IPPK: variants seen among roughly 807,000 people sequenced by gnomAD.
IPPK encodes the protein inositol-pentakisphosphate 2-kinase.
A neutral mutation model predicts 64.6 loss-of-function variants in IPPK; 22 were observed. The ratio of observed to expected loss-of-function variants is 0.34; its 90% CI spans 0.24 to 0.49. The LOEUF (loss-of-function observed/expected upper bound fraction) is 0.49, where lower values mean the gene tolerates loss of function less well. Among genes scored for constraint, IPPK ranks in the 20% least tolerant of loss-of-function variants. The probability of loss-of-function intolerance (pLI) is 0.99; values close to 1 mark genes in which losing one functional copy is unlikely to be tolerated. For missense variants in IPPK, 532 were observed against 630.7 expected (o/e 0.84, Z 1.68); for synonymous variants, 262 against 247.2 (o/e 1.06, Z -0.56).
intron 6 of IPPK, among the ~76,000 whole-genome samples, chr9:92,645,764 A>T (rs559527341): frequency 9.9e-5 from 15 of 152,158 alleles, no homozygotes; most frequent in Non-Finnish European, 1.9e-4. Flanking sequence ...ATCTACCAAG[A>T]CTATCCTTTG....
intron 11 of IPPK, among the ~76,000 whole-genome samples, chr9:92,630,064 G>A (rs897152211): frequency 1.3e-4 from 20 of 152,084 alleles, no homozygotes; most frequent in African/African-American, 3.1e-4. Context: ...AAGTGAAAAC[G>A]CACATCCATG....
intron 12 of IPPK, 83 bp downstream of exon 12, chr9:92,619,403 A>G: frequency 1.7e-6 from 2 of 1,149,474 alleles, no homozygotes; most frequent in Admixed American, 2.0e-5. Flanking sequence ...ATATGGGGAA[A>G]CCAACTATCC....
At chr9:92,669,301 G>C (rs1401074730) in intron 1 of IPPK, among the ~76,000 whole-genome samples, 1 of 152,160 alleles carries the variant, frequency 6.6e-6, no homozygotes, top group Non-Finnish European at 1.5e-5. Flanking sequence ...AGATCTTACT[G>C]CAGTTTCTAA....
chr9:92,656,351 G>A, intron 3 of IPPK, 105 bp downstream of exon 3: 1 of 746,576 alleles, frequency 1.3e-6, no homozygotes, highest in Non-Finnish European at 2.4e-6. Context: ...GAGACTAGCT[G>A]GACGCGGGTT....
At chr9:92,618,401 A>C (rs193278744) in intron 12 of IPPK, 1 of 456,514 alleles carries the variant, frequency 2.2e-6, no homozygotes, top group Non-Finnish European at 4.4e-6. Flanking sequence ...ATCACTGACC[A>C]GGCACTAAGA....
Position 92,656,759 on chromosome 9 carries a change from C to G in IPPK, c.130-208G>C, listed in dbSNP as rs112591649. 4.8e-3 allele frequency among the ~76,000 whole-genome samples: 731 copies of G among 152,314 alleles called. 1 individual carries two copies. The highest frequency in any genetic ancestry group is 7.4e-3 in the Non-Finnish European group (505 of 68,032). ...CGTCCCTCCCCAGCCATGCCACCCT[C>G]CTCGGCCCAGAGACTTGGGAAGGTA... On this transcript the variant is annotated intron_variant, in intron 2 of 12. Coordinates refer to ENST00000287996, the MANE Select transcript of IPPK (RefSeq NM_022755.6).
At chr9:92,621,215 TG>T (rs34965497) in intron 11 of IPPK, among the ~76,000 whole-genome samples, 1 of 38,776 alleles carries the variant, frequency 2.6e-5, no homozygotes. Flanking sequence ...CATATAAATT[TG>T]GGGGGGTGGG....
At chr9:92,648,228 G>C (rs1443546753) in intron 5 of IPPK, 80 bp from the exon 6 acceptor site, 4 of 1,036,998 alleles carry the variant, frequency 3.9e-6, no homozygotes, top group Non-Finnish European at 5.8e-6. Context: ...CTGACTACAA[G>C]ATAATGAGTG....
Position 92,638,242 on chromosome 9 carries a change from G to A in IPPK, c.675C>T (p.Ser225=), listed in dbSNP as rs1295170701. 3.5e-5 allele frequency: 56 copies of A among 1,614,144 alleles called. No homozygotes were observed. Among genetic ancestry groups the A allele is most frequent in the Non-Finnish European group, 4.6e-5 (54 of 1,179,964 alleles). ...ELIYGCKDAR[S]PVADWSELAH... is the part of the protein sequence containing the mutation. ...CAAGCTCGCTCCAGTCAGCCACGGG[G>A]CTCCGGGCATCTTTGCAGCCGTAAA... is the stretch of plus-strand genomic sequence containing the variant. Residue 225 remains serine, a synonymous_variant, in exon 9 of 13, where the codon AGC becomes AGT. Transcript: ENST00000287996.
chr9:92,635,316 G>C lies in IPPK; in HGVS notation c.917-8C>G. Reference sequence around the variant, plus strand: ...GCTCTGGGGTGTTTTTTCCTACCGAGAACATCAGGGGAAAACGAGAGCATG... The same window carrying C: ...GCTCTGGGGTGTTTTTTCCTACCGACAACATCAGGGGAAAACGAGAGCATG... On this transcript the variant is annotated splice_polypyrimidine_tract_variant and splice_region_variant and intron_variant, in intron 9 of 12. Transcript: ENST00000287996. The surrounding 1 kb of genome is among the most constrained non-coding windows in gnomAD (Gnocchi z 4.4). The C allele has an allele frequency of 6.2e-7, 1 of 1,606,164 alleles. No homozygotes were observed. Among genetic ancestry groups the C allele is most frequent in the East Asian group, 2.2e-5 (1 of 44,806 alleles).
At chr9:92,642,643 C>G (rs2131443079) in intron 7 of IPPK, 109 bp downstream of exon 7, 1 of 910,108 alleles carries the variant, frequency 1.1e-6, no homozygotes, top group Non-Finnish European at 1.8e-6. Flanking sequence ...AGAACAGGGC[C>G]TTCCCTGCCT....
chr9:92,668,691 C>T (rs534800998), intron 1 of IPPK, among the ~76,000 whole-genome samples: 6 of 152,234 alleles, frequency 3.9e-5, no homozygotes, highest in Admixed American at 3.9e-4. Flanking sequence ...TAGTGGACTA[C>T]ACAAGAGAAG....
In IPPK at chr9:92,648,414, C is replaced by T. The variant is rs538839633; in HGVS notation, c.415-266G>A. Among the ~76,000 whole-genome samples the T allele has an allele frequency of 1.7e-4, 26 of 152,342 alleles. 1 individual carries two copies. In the Middle Eastern group the frequency reaches 0.01, roughly 60 times the overall value. On this transcript the variant is annotated intron_variant, in intron 5 of 12. Coordinates refer to ENST00000287996, the MANE Select transcript of IPPK (RefSeq NM_022755.6). ...GCACTAGCTCAACACAAGCACAACACACAATAGCTTCATGCTTTCATTCAA... is the reference window on the plus strand; with the variant it reads ...GCACTAGCTCAACACAAGCACAACATACAATAGCTTCATGCTTTCATTCAA...
chr9:92,649,975 G>A (rs189371753), intron 4 of IPPK, among the ~76,000 whole-genome samples: 19 of 148,540 alleles, frequency 1.3e-4, no homozygotes, highest in South Asian at 4.3e-4. Flanking sequence ...GTGGTGAGCC[G>A]AGATCGTGCT....
rs762511738 is a variant in IPPK at position 92,649,494 on chromosome 9, G to T, written c.373C>A (p.Arg125Ser). Residue 125 changes from arginine to serine, a missense_variant, in exon 5 of 13, where the codon CGC becomes AGC. By Grantham distance (110) the Arg-to-Ser change is moderately radical. Transcript: ENST00000287996. Reference sequence around the variant, plus strand: ...AGAATCGGCCGGTGCTCTGCAAAGCGGTAGGTTTGGAGTCTGGTTAAATTA... The same window carrying T: ...AGAATCGGCCGGTGCTCTGCAAAGCTGTAGGTTTGGAGTCTGGTTAAATTA... Reference protein sequence around the residue: ...LPNLTRLQTYRFAEHRPILCV... With the variant: ...LPNLTRLQTYSFAEHRPILCV... 1 of 1,614,074 alleles carries T rather than the reference G, an allele frequency of 6.2e-7. No individual in the cohort carries two copies. Among genetic ancestry groups the T allele is most frequent in the Non-Finnish European group, 8.5e-7 (1 of 1,180,014 alleles).
chr9:92,654,589 C>A (rs1852334126), intron 3 of IPPK, among the ~76,000 whole-genome samples: 2 of 152,218 alleles, frequency 1.3e-5, no homozygotes, highest in South Asian at 4.1e-4. Context: ...GTGGACCACG[C>A]CACCATCCAA....
intron 11 of IPPK, among the ~76,000 whole-genome samples, chr9:92,621,391 T>A (rs946582098): frequency 1.3e-5 from 2 of 151,938 alleles, no homozygotes; most frequent in Non-Finnish European, 2.9e-5. Context: ...AAACAAAAAA[T>A]TTCTAGAAAA....
At position 92,638,723 on chromosome 9, in the gene IPPK, G is replaced by C. The variant is rs144141942; in HGVS notation, c.637-443C>G. On this transcript the variant is annotated intron_variant, in intron 8 of 12. Transcript: ENST00000287996. ...CAGCACCACAAACGAGTGTGTCCTG[G>C]GGTTCAGGCCACGCCCAGGGTGACC... is the stretch of plus-strand genomic sequence containing the variant. Among the ~76,000 whole-genome samples the C allele has an allele frequency of 3.3e-5, 5 of 152,348 alleles. No homozygotes were observed. The East Asian group carries it at 9.6e-4, about 29-fold the overall frequency.
rs1851981022 is a variant in IPPK at position 92,638,202 on chromosome 9, G to A, written c.715C>T (p.Pro239Ser). The A allele has an allele frequency of 1.2e-6, 2 of 1,614,254 alleles. No homozygotes were observed. Among genetic ancestry groups the A allele is most frequent in the African/African-American group, 2.7e-5 (2 of 75,062 alleles). The change falls in exon 9 of 13, where the codon CCG becomes TCG. Residue 239 changes from proline (P) to serine (S), a missense_variant. Pro to Ser is a moderately conservative substitution (Grantham distance 74, BLOSUM62 -1). Coordinates refer to ENST00000287996, the MANE Select transcript of IPPK (RefSeq NM_022755.6). ...AGGCCGTTGGAAGGGAAGAAGAACG[G>A]CTTCAGGTGGTGTGCAAGCTCGCTC... ...DWSELAHHLKPFFFPSNGLAS... is the reference protein window; with the variant it reads ...DWSELAHHLKSFFFPSNGLAS...
Sources: gnomAD v4.1 joint callset for allele counts (sites outside exome capture counted in the v4.1 genomes callset) on GRCh38, gnomAD v4.1.1 for gene constraint, Gnocchi (gnomAD v3.1) non-coding constraint, MANE v1.5 for transcripts, NCBI Gene and HGNC (gene_info 2026-07-23, HGNC 2026-07-21) for gene names.